Variants in LRP1B observed in about 807,000 individuals in gnomAD.
LRP1B encodes the protein LDL receptor related protein 1B.
In LRP1B, 217 loss-of-function variants were observed where a neutral mutation model predicts 556.6. The ratio of observed to expected loss-of-function variants is 0.39; its 90% confidence interval spans 0.35 to 0.44. The LOEUF (loss-of-function observed/expected upper bound fraction) is 0.44. LRP1B is among the 20% of genes least tolerant of loss of function. The pLI, the probability that LRP1B is intolerant of heterozygous loss-of-function variation, is 1.00. For synonymous variants in LRP1B, 2,047 were observed against 1,865.8 expected, an observed-to-expected ratio of 1.10 and a Z score of -2.50; for missense variants, 5,053 against 5,620.8, an observed-to-expected ratio of 0.90 and a Z score of 3.23.
chr2:141,770,188 A>G (rs1029177239), intron 2 of LRP1B, among the ~76,000 whole-genome samples: 1 of 151,958 alleles, frequency 6.6e-6, no homozygotes, highest in Non-Finnish European at 1.5e-5. Context: ...AGCTCTGTGC[A>G]TATAGACATG....
At chr2:141,033,585 G>C (rs1698441930) in intron 11 of LRP1B, among the ~76,000 whole-genome samples, 1 of 151,910 alleles carries the variant, frequency 6.6e-6, no homozygotes, top group South Asian at 2.1e-4. Context: ...AGCTCCCAAT[G>C]GTCTGGTACT....
intron 2 of LRP1B, among the ~76,000 whole-genome samples, chr2:141,481,087 C>A (rs1682904019): frequency 6.6e-6 from 1 of 152,110 alleles, no homozygotes; most frequent in Admixed American, 6.6e-5. Flanking sequence ...GTTTAAAAAT[C>A]TTTTACTGAG....
At chr2:140,495,314 T>C (rs1185445970) in intron 56 of LRP1B, among the ~76,000 whole-genome samples, 2 of 69,728 alleles carry the variant, frequency 2.9e-5, no homozygotes, top group East Asian at 2.3e-4. Flanking sequence ...GAGATAGTTC[T>C]TTTTTTTTTT....
chr2:140,827,546 G>A (rs1402291704), intron 31 of LRP1B, among the ~76,000 whole-genome samples: 1 of 151,618 alleles, frequency 6.6e-6, no homozygotes, highest in Non-Finnish European at 1.5e-5. Context: ...TTAAAGAGAG[G>A]CTATCAGAAA....
At chr2:140,892,554 G>T (rs10189583) in intron 23 of LRP1B, among the ~76,000 whole-genome samples, 30,010 of 152,056 alleles carry the variant, frequency 0.2, 3,090 homozygotes, top group Non-Finnish European at 0.21. Flanking sequence ...AGCTGCGAAG[G>T]ATGCGGGAAC....
intron 1 of LRP1B, among the ~76,000 whole-genome samples, chr2:142,116,268 A>G (rs1205740535): frequency 2.6e-5 from 4 of 151,544 alleles, no homozygotes; most frequent in Non-Finnish European, 4.4e-5. Context: ...ATAACTAATA[A>G]TAGGGTATAT....
At chr2:141,324,451 A>G (rs1272102671) in intron 3 of LRP1B, among the ~76,000 whole-genome samples, 3 of 151,980 alleles carry the variant, frequency 2.0e-5, no homozygotes, top group Non-Finnish European at 4.4e-5. Context: ...CAGATAATTA[A>G]CCGTTTGTCT....
intron 20 of LRP1B, among the ~76,000 whole-genome samples, chr2:140,946,731 G>A (rs1372857368): frequency 6.6e-6 from 1 of 152,162 alleles, no homozygotes; most frequent in African/African-American, 2.4e-5. Context: ...ATACTTGTAT[G>A]TTTATCACTG....
Position 140,386,025 on chromosome 2 carries a change from C to G in LRP1B, c.10415-16G>C, listed in dbSNP as rs1323125478. 1 of 1,485,234 alleles carries G rather than the reference C, an allele frequency of 6.7e-7. No individual in the cohort carries two copies. 92.0% of individuals were successfully genotyped at this position (1,485,234 alleles called of 1,614,324 possible). On this transcript the variant is annotated splice_polypyrimidine_tract_variant and intron_variant, in intron 66 of 90. Transcript: ENST00000389484. Reference sequence around the variant, plus strand: ...GTCTTTTTATCTGTAATGGAAAGAACCAGAGTTTGCATTGTAGATTTCCAT... The same window carrying G: ...GTCTTTTTATCTGTAATGGAAAGAAGCAGAGTTTGCATTGTAGATTTCCAT...
chr2:141,601,268 T>C (rs6740704), intron 2 of LRP1B, among the ~76,000 whole-genome samples: 12,113 of 151,920 alleles, frequency 0.08, 570 homozygotes, highest in South Asian at 0.13. Flanking sequence ...GAAATGCCTC[T>C]AACCACATCA....
rs555448118 is a variant in LRP1B, at chr2:140,246,506, A to G, written c.13324+580T>C. 5.1e-5 allele frequency among the ~76,000 whole-genome samples: 7 copies of G among 138,128 alleles called. No homozygotes were observed. The South Asian group carries it at 1.7e-3, about 35-fold the overall frequency. The allele number at this position is 138,128 out of a possible 152,430, so 90.6% of individuals were successfully genotyped here. A position where few individuals can be genotyped will look rare whatever the true frequency, so the allele number is the denominator to read the frequency against. Reference sequence around the variant, plus strand: ...CACAACGATGATATAGACACAAGTGACCCTAAGACTATGGCTGCACAAAAA... The same window carrying G: ...CACAACGATGATATAGACACAAGTGGCCCTAAGACTATGGCTGCACAAAAA... On this transcript the variant is annotated intron_variant, in intron 87 of 90. Transcript: ENST00000389484.
chr2:140,786,584 C>T (rs1689909624), intron 32 of LRP1B, among the ~76,000 whole-genome samples: 1 of 152,120 alleles, frequency 6.6e-6, no homozygotes, highest in Admixed American at 6.5e-5. Flanking sequence ...ATAGAAGTCT[C>T]TTTTCTATGC....
intron 3 of LRP1B, among the ~76,000 whole-genome samples, chr2:141,351,789 G>A (rs757453491): frequency 1.2e-4 from 18 of 152,060 alleles, no homozygotes; most frequent in Non-Finnish European, 1.6e-4. Context: ...GTTAAAAAGA[G>A]GATAGGGATG....
At chr2:140,886,077 T>C (rs1329395788) in intron 24 of LRP1B, 61 bp downstream of exon 24, 5 of 1,046,666 alleles carry the variant, frequency 4.8e-6, no homozygotes, top group Admixed American at 2.4e-5. Flanking sequence ...TTATAACGTG[T>C]TCTTTGAATT....
At chr2:140,467,922 C>T (rs532946781) in intron 60 of LRP1B, among the ~76,000 whole-genome samples, 7 of 152,216 alleles carry the variant, frequency 4.6e-5, no homozygotes, top group African/African-American at 7.2e-5. Flanking sequence ...TTTGGAAAAT[C>T]GTCAGCCTGG....
intron 9 of LRP1B, 126 bp from the exon 10 acceptor site, chr2:141,055,385 C>A (rs1470559419): frequency 3.7e-6 from 3 of 815,334 alleles, no homozygotes; most frequent in East Asian, 2.8e-5. Flanking sequence ...GTATACTCAA[C>A]TATTTAGCAC....
chr2:140,375,901 G>A lies in LRP1B; in HGVS notation c.10638+2279C>T, dbSNP rs1385294752. Among the ~76,000 whole-genome samples, 3 of 151,842 alleles carry A rather than the reference G, an allele frequency of 2.0e-5. No homozygotes were observed. In the East Asian group the frequency reaches 5.8e-4, roughly 29 times the overall value. ...TTCTTTGTTGTTTTGTTATTAACAAGCTAATCATATTATCAGTTCCATTCA... is the reference window on the plus strand; with the variant it reads ...TTCTTTGTTGTTTTGTTATTAACAAACTAATCATATTATCAGTTCCATTCA... On this transcript the variant is annotated intron_variant, in intron 68 of 90. Coordinates refer to ENST00000389484, the MANE Select transcript of LRP1B (RefSeq NM_018557.3).
intron 87 of LRP1B, among the ~76,000 whole-genome samples, chr2:140,245,459 GT>G (rs879767877): frequency 4.0e-5 from 6 of 151,202 alleles, no homozygotes; most frequent in Non-Finnish European, 5.9e-5. Context: ...TTTTTAAATT[GT>G]TTTTGATGCT....
chr2:140,371,758 G>T (rs1683011146), intron 69 of LRP1B, among the ~76,000 whole-genome samples: 1 of 151,744 alleles, frequency 6.6e-6, no homozygotes, highest in Non-Finnish European at 1.5e-5. Context: ...TCTTGGCATG[G>T]TCTCACAGAC....
Sources: allele counts gnomAD v4.1 joint callset (sites outside exome capture counted in the v4.1 genomes callset), GRCh38; gene constraint gnomAD v4.1.1; transcripts MANE v1.5; gene names NCBI Gene and HGNC (gene_info 2026-07-23, HGNC 2026-07-21).